DDAH1: variants seen among roughly 807,000 people sequenced by gnomAD.
DDAH1 encodes dimethylarginine dimethylaminohydrolase 1.
In DDAH1, 19 loss-of-function variants were observed where a neutral mutation model predicts 28.8. The observed-to-expected ratio is 0.66, with a 90% CI of 0.46 to 0.97. The LOEUF (loss-of-function observed/expected upper bound fraction) is 0.97, where lower values mean the gene tolerates loss of function less well. DDAH1 is among the 50% of genes least tolerant of loss of function. DDAH1 has a pLI of 0.00. For missense variants in DDAH1, 326 were observed against 375.9 expected (o/e 0.87, Z 1.10); for synonymous variants, 153 against 154.4 (o/e 0.99, Z 0.07).
chr1:85,440,977 G>C (rs933204274), intron 1 of DDAH1, among the ~76,000 whole-genome samples: 7 of 152,212 alleles, frequency 4.6e-5, no homozygotes, highest in African/African-American at 1.4e-4. Context: ...AGGCTCAATG[G>C]CATCAACCAC....
intron 4 of DDAH1, among the ~76,000 whole-genome samples, chr1:85,342,798 C>T (rs1033416082): frequency 1.3e-5 from 2 of 152,166 alleles, no homozygotes; most frequent in Non-Finnish European, 2.9e-5. Flanking sequence ...AAAGCAGTGG[C>T]TCTCAACCTT....
intron 1 of DDAH1, among the ~76,000 whole-genome samples, chr1:85,554,284 T>TTTTTG: frequency 6.7e-6 from 1 of 149,856 alleles, no homozygotes; most frequent in Non-Finnish European, 1.5e-5. Flanking sequence ...GAGTTTTTTT[T>TTTTTG]TTTTTTTTTT....
intron 4 of DDAH1, among the ~76,000 whole-genome samples, chr1:85,341,579 G>C (rs1648482777): frequency 1.3e-5 from 2 of 152,226 alleles, no homozygotes; most frequent in Non-Finnish European, 2.9e-5. Flanking sequence ...ACTTTGGGAG[G>C]CCGAGGCGGT....
At chr1:85,381,493 C>A (rs1428497933) in intron 1 of DDAH1, among the ~76,000 whole-genome samples, 2 of 151,140 alleles carry the variant, frequency 1.3e-5, no homozygotes, top group Non-Finnish European at 2.9e-5. Flanking sequence ...CCTTCACCCC[C>A]CTCCCAACCT....
chr1:85,509,945 C>T (rs780007729), intron 1 of DDAH1, among the ~76,000 whole-genome samples: 1 of 152,110 alleles, frequency 6.6e-6, no homozygotes, highest in Non-Finnish European at 1.5e-5. Flanking sequence ...ACTTCCCCAA[C>T]CTAGCAAGGC....
chr1:85,537,607 T>A (rs551504844), intron 1 of DDAH1, among the ~76,000 whole-genome samples: 1 of 144,706 alleles, frequency 6.9e-6, no homozygotes, highest in Non-Finnish European at 1.5e-5. Flanking sequence ...AGGGTAGGAA[T>A]AACTGTGCAA....
At chr1:85,463,698 G>A (rs896300656) in intron 1 of DDAH1, among the ~76,000 whole-genome samples, 5 of 152,228 alleles carry the variant, frequency 3.3e-5, no homozygotes, top group Admixed American at 6.5e-5. Flanking sequence ...TAAGCTCTAT[G>A]AGGCATTTCC....
chr1:85,569,238 C>G (rs1425413512), intron 1 of DDAH1, among the ~76,000 whole-genome samples: 1 of 152,146 alleles, frequency 6.6e-6, no homozygotes, highest in Non-Finnish European at 1.5e-5. Flanking sequence ...TGTTTTGTTT[C>G]CAGTCTACAG....
At chr1:85,540,171 G>C (rs983526932) in intron 1 of DDAH1, among the ~76,000 whole-genome samples, 17 of 152,054 alleles carry the variant, frequency 1.1e-4, no homozygotes, top group South Asian at 2.1e-4. Flanking sequence ...AGTAAATAGA[G>C]TATCATCCCC....
Position 85,565,192 on chromosome 1 carries a change from A to C in DDAH1, c.-123+12792T>G, listed in dbSNP as rs187371846. Among the ~76,000 whole-genome samples, 50 of 135,434 alleles carry C rather than the reference A, an allele frequency of 3.7e-4. No homozygotes were observed. In the East Asian group the frequency reaches 0.011, roughly 30 times the overall value. The allele number at this position is 135,434 out of a possible 152,430, so 88.8% of individuals were successfully genotyped here. On this transcript the variant is annotated intron_variant, in intron 1 of 6. Transcript: ENST00000426972. ...ACTCCAGCCTAGGCAATGGAACGAG[A>C]CTCCGTTAAAAAAAAAATGCATAAA...
At chr1:85,442,727 GGT>G (rs1654258132) in intron 1 of DDAH1, among the ~76,000 whole-genome samples, 1 of 152,154 alleles carries the variant, frequency 6.6e-6, no homozygotes, top group African/African-American at 2.4e-5. Context: ...CATTCTAACT[GGT>G]GTGAGATGGT....
chr1:85,346,418 A>G (rs1648844630), intron 4 of DDAH1, among the ~76,000 whole-genome samples: 1 of 152,184 alleles, frequency 6.6e-6, no homozygotes, highest in South Asian at 2.1e-4. Context: ...GATAGGTGGA[A>G]AGACACGGAA....
intron 1 of DDAH1, among the ~76,000 whole-genome samples, chr1:85,442,454 G>C (rs185441080): frequency 6.6e-6 from 1 of 152,298 alleles, no homozygotes; most frequent in Admixed American, 6.5e-5. Context: ...TTGGTTCCAA[G>C]TTTTTGCTAT....
chr1:85,548,041 T>C (rs912054038), intron 1 of DDAH1, among the ~76,000 whole-genome samples: 4 of 152,194 alleles, frequency 2.6e-5, no homozygotes, highest in African/African-American at 7.2e-5. Flanking sequence ...TGCAAATTGA[T>C]TTGCATACCA....
rs115237217 is a variant in DDAH1 at position 85,440,588 on chromosome 1, G to A, written c.303+24155C>T. Among the ~76,000 whole-genome samples the A allele has an allele frequency of 3.3e-3, 510 of 152,312 alleles. 3 individuals carry two copies. Among genetic ancestry groups the A allele is most frequent in the African/African-American group, 0.012 (488 of 41,560 alleles). ...CCAGTCTTTGAAGGGGCTGGAGAAT[G>A]TTATGTAAAATTACTCAAGCTTTAA... is the stretch of plus-strand genomic sequence containing the variant. On this transcript the variant is annotated intron_variant, in intron 1 of 5. Transcript: ENST00000284031.
At chr1:85,460,854 T>C (rs1477151632) in intron 1 of DDAH1, among the ~76,000 whole-genome samples, 1 of 151,996 alleles carries the variant, frequency 6.6e-6, no homozygotes, top group African/African-American at 2.4e-5. Flanking sequence ...TAGGCATTAA[T>C]TATCTACACA....
chr1:85,508,512 G>A (rs772938989), intron 1 of DDAH1, among the ~76,000 whole-genome samples: 16 of 152,322 alleles, frequency 1.1e-4, no homozygotes, highest in Non-Finnish European at 2.1e-4. Flanking sequence ...GAAGCAGGGC[G>A]GGGTGTTGCC....
chr1:85,369,579 C>T (rs1650269704), intron 1 of DDAH1, among the ~76,000 whole-genome samples: 2 of 152,148 alleles, frequency 1.3e-5, no homozygotes, highest in African/African-American at 4.8e-5. Context: ...AACCGCCACT[C>T]ATCTCCAGTA....
At chr1:85,409,757 T>C (rs1305587927) in intron 1 of DDAH1, among the ~76,000 whole-genome samples, 1 of 152,200 alleles carries the variant, frequency 6.6e-6, no homozygotes, top group Non-Finnish European at 1.5e-5. Flanking sequence ...GTAATGCATA[T>C]ATAAGTTTTC....
Sources: gnomAD v4.1 joint callset for allele counts (sites outside exome capture counted in the v4.1 genomes callset) on GRCh38, gnomAD v4.1.1 for gene constraint, MANE v1.5 for transcripts, NCBI Gene and HGNC (gene_info 2026-07-23, HGNC 2026-07-21) for gene names.